Variants in SLC25A10 observed in about 807,000 individuals in gnomAD.
The protein encoded by SLC25A10 is solute carrier family 25 member 10.
In SLC25A10, 32 loss-of-function variants were observed where a neutral mutation model predicts 40.4. The ratio of observed to expected loss-of-function variants is 0.79; its 90% confidence interval spans 0.60 to 1.06. The LOEUF is 1.06. Among genes scored for constraint, SLC25A10 ranks in the 50% least tolerant of loss-of-function variants. SLC25A10 has a pLI of 0.00. For synonymous variants in SLC25A10, 181 were observed against 171.1 expected (o/e 1.06, Z -0.45); for missense variants, 394 against 402.6 (o/e 0.98, Z 0.18).
At chr17:81,713,852 G>T (rs1469253120) in intron 1 of SLC25A10, among the ~76,000 whole-genome samples, 3 of 152,238 alleles carry the variant, frequency 2.0e-5, no homozygotes, top group African/African-American at 7.2e-5. Flanking sequence ...GGGGAGGCGG[G>T]ACTGCCCTCT....
At chr17:81,719,582 C>T (rs2037550957) in intron 9 of SLC25A10, among the ~76,000 whole-genome samples, 1 of 152,354 alleles carries the variant, frequency 6.6e-6, no homozygotes. Context: ...GCCCACTGGA[C>T]CCCGGGCTGC....
At chr17:81,713,337 C>A in intron 1 of SLC25A10, 1 of 445,900 alleles carries the variant, frequency 2.2e-6, no homozygotes, top group South Asian at 9.6e-5. Context: ...AGGCTTTGCA[C>A]AGTCTGCCCA....
intron 1 of SLC25A10, chr17:81,713,247 C>T (rs1318901656): frequency 1.3e-5 from 2 of 152,904 alleles, no homozygotes; most frequent in African/African-American, 4.9e-5. Context: ...AGACAGAGCT[C>T]TCCTTGTTTC....
intron 1 of SLC25A10, among the ~76,000 whole-genome samples, chr17:81,712,735 C>T (rs973218571): frequency 4.3e-4 from 66 of 152,342 alleles, no homozygotes; most frequent in African/African-American, 1.5e-3. Flanking sequence ...AGCCGCGCTC[C>T]CCAGCTTCCC....
At chr17:81,717,266 CCT>C in intron 7 of SLC25A10, 131 bp from the exon 8 acceptor site, 1 of 1,048,584 alleles carries the variant, frequency 9.5e-7, no homozygotes, top group East Asian at 2.5e-5. Context: ...AGGTGCCTCC[CCT>C]GTCTGGGCCT....
At chr17:81,717,663 C>A in intron 8 of SLC25A10, 121 bp from the exon 9 acceptor site, 1 of 1,323,168 alleles carries the variant, frequency 7.6e-7, no homozygotes, top group Non-Finnish European at 1.1e-6. Flanking sequence ...CAGCCTGGTG[C>A]CCCCGCCAGC....
rs201109339 is a variant in SLC25A10, at chr17:81,717,050, G to A, written c.512G>A (p.Gly171Glu). The A allele has an allele frequency of 3.1e-6, 5 of 1,613,686 alleles. No individual in the cohort carries two copies. Among genetic ancestry groups the A allele is most frequent in the Non-Finnish European group, 4.2e-6 (5 of 1,180,004 alleles). Reference sequence around the variant, plus strand: ...GGTGCAACCATGGCATCCAGCCGAGGGGCCTTAGTCACTGTGGGCCAGGTA... The same window carrying A: ...GGTGCAACCATGGCATCCAGCCGAGAGGCCTTAGTCACTGTGGGCCAGGTA... ...FSGATMASSR[G>E]ALVTVGQLSC... Residue 171 changes from glycine (G) to glutamate (E), a missense_variant, in exon 7 of 11, where the codon GGG (glycine) becomes GAG (glutamate). Coordinates refer to ENST00000350690, the MANE Select transcript of SLC25A10 (RefSeq NM_012140.5).
At chr17:81,713,580 C>A in intron 1 of SLC25A10, 2 of 737,412 alleles carry the variant, frequency 2.7e-6, no homozygotes, top group Non-Finnish European at 3.3e-6. Flanking sequence ...GCTCCCAGGC[C>A]ACAGGCAGCC....
chr17:81,716,992 C>CCTT lies in SLC25A10; in HGVS notation c.464-9_464-7dup. On this transcript the variant is annotated splice_polypyrimidine_tract_variant and intron_variant, in intron 6 of 10. Coordinates refer to ENST00000350690, the MANE Select transcript of SLC25A10 (RefSeq NM_012140.5). ...TGCCTCACCCCTTGCCTCACCCCTT[C>CCTT]CTTGTGCAGAGGGTCTCAGGAGACT... 1 of 1,315,662 alleles carries CCTT rather than the reference C, an allele frequency of 7.6e-7. No individual in the cohort carries two copies. Among genetic ancestry groups the CCTT allele is most frequent in the Non-Finnish European group, 1.1e-6 (1 of 950,594 alleles). The allele number at this position is 1,315,662 out of a possible 1,614,324, so 81.5% of individuals were successfully genotyped here.
At chr17:81,717,147 C>T in intron 7 of SLC25A10, 75 bp downstream of exon 7, 1 of 1,523,378 alleles carries the variant, frequency 6.6e-7, no homozygotes, top group Non-Finnish European at 9.1e-7. Context: ...GGCCATAGAA[C>T]AAGGCACTGG....
Position 81,720,791 on chromosome 17 carries a change from G to T in SLC25A10, c.*714G>T. On this transcript the variant is annotated 3_prime_UTR_variant, in exon 11 of 11. Coordinates refer to ENST00000350690, the MANE Select transcript of SLC25A10 (RefSeq NM_012140.5). ...CACCAGCAGGCGGTCTCTGTCTTCA[G>T]GGATTGTGCCTGCGTCCCTCGGGCA... 6.7e-6 allele frequency: 2 copies of T among 298,274 alleles called. No homozygotes were observed. Among genetic ancestry groups the T allele is most frequent in the Non-Finnish European group, 1.2e-5 (2 of 161,750 alleles). 18.5% of individuals were successfully genotyped at this position (298,274 alleles called of 1,614,324 possible).
At position 81,717,514 on chromosome 17, in the gene SLC25A10, G is replaced by A. The variant is rs1404482303; in HGVS notation, c.627+23G>A. The A allele has an allele frequency of 4.3e-6, 7 of 1,612,610 alleles. No homozygotes were observed. The East Asian group carries it at 1.6e-4, about 36-fold the overall frequency. ...GCAGTAAGTGGCCGGCATGGCTAGGGTGGGCGTCCCTGGGCCGGCCTTGGG... is the reference window on the plus strand; with the variant it reads ...GCAGTAAGTGGCCGGCATGGCTAGGATGGGCGTCCCTGGGCCGGCCTTGGG... On this transcript the variant is annotated intron_variant, in intron 8 of 10. Transcript: ENST00000350690.
chr17:81,716,353 C>T (rs867942684), intron 5 of SLC25A10, among the ~76,000 whole-genome samples: 2 of 152,176 alleles, frequency 1.3e-5, no homozygotes, highest in Admixed American at 6.5e-5. Flanking sequence ...CAGAAACGCC[C>T]GAAGGAGGCG....
chr17:81,720,404 A>G lies in SLC25A10; in HGVS notation c.*327A>G, dbSNP rs1034718332. 1.4e-6 allele frequency: 2 copies of G among 1,390,458 alleles called. No homozygotes were observed. Among genetic ancestry groups the G allele is most frequent in the South Asian group, 1.8e-5 (1 of 56,724 alleles). The allele number at this position is 1,390,458 out of a possible 1,614,324, so 86.1% of individuals were successfully genotyped here. A position where few individuals can be genotyped will look rare whatever the true frequency, so the allele number is the denominator to read the frequency against. On this transcript the variant is annotated 3_prime_UTR_variant, in exon 11 of 11. Coordinates refer to ENST00000350690, the MANE Select transcript of SLC25A10 (RefSeq NM_012140.5). ...CCCTCTCCTGGGCCAGGGGAGGGGT[A>G]TTATCCCTGCCTCCTGCCCCCGATG... is the stretch of plus-strand genomic sequence containing the variant.
chr17:81,715,911 C>A, intron 4 of SLC25A10, 98 bp from the exon 5 acceptor site: 1 of 1,450,384 alleles, frequency 6.9e-7, no homozygotes, highest in Non-Finnish European at 9.5e-7. Flanking sequence ...GTGCCCTGTC[C>A]TGTGGGCCCC....
intron 9 of SLC25A10, among the ~76,000 whole-genome samples, chr17:81,718,966 A>G (rs1164988259): frequency 6.6e-6 from 1 of 151,768 alleles, no homozygotes; most frequent in African/African-American, 2.4e-5. Flanking sequence ...CAAAAAACAA[A>G]AAAAAACACA....
At position 81,720,097 on chromosome 17, in the gene SLC25A10, G is replaced by C. The variant is rs1014907881; in HGVS notation, c.*20G>C. ...TCCTGACCAGCCGTGGGAATGGCTG[G>C]GCTGCCAGGCCAGACACGCTAGGTT... On this transcript the variant is annotated 3_prime_UTR_variant, in exon 11 of 11. Transcript: ENST00000350690. 5 of 1,611,842 alleles carry C rather than the reference G, an allele frequency of 3.1e-6. No homozygotes were observed. Among genetic ancestry groups the C allele is most frequent in the Non-Finnish European group, 4.2e-6 (5 of 1,179,976 alleles).
At position 81,720,154 on chromosome 17, in the gene SLC25A10, C is replaced by T; in HGVS notation, c.*77C>T. On this transcript the variant is annotated 3_prime_UTR_variant, in exon 11 of 11. Coordinates refer to ENST00000350690, the MANE Select transcript of SLC25A10 (RefSeq NM_012140.5). ...AAGAGTCCCAAGCCCAGCACCTGCTCCTGGGGCCACGACCTCCCTGGCCGT... is the reference window on the plus strand; with the variant it reads ...AAGAGTCCCAAGCCCAGCACCTGCTTCTGGGGCCACGACCTCCCTGGCCGT... The T allele has an allele frequency of 1.3e-6, 2 of 1,581,996 alleles. No homozygotes were observed. Among genetic ancestry groups the T allele is most frequent in the Non-Finnish European group, 1.7e-6 (2 of 1,169,698 alleles).
rs772052515 is a variant in SLC25A10, at chr17:81,719,894, T to TGGTGGCGGC, written c.762+8_762+16dup. 11 of 1,613,836 alleles carry TGGTGGCGGC rather than the reference T, an allele frequency of 6.8e-6. No homozygotes were observed. In the South Asian group the frequency reaches 1.1e-4, roughly 16 times the overall value. On this transcript the variant is annotated splice_region_variant and intron_variant, in intron 10 of 10. Coordinates refer to ENST00000350690, the MANE Select transcript of SLC25A10 (RefSeq NM_012140.5). ...GCCTCTGGCCTTTTACAAGGTGCAG[T>TGGTGGCGGC]GGTGGCGGCAGTGGCGGCTTGGGCA...
Sources: allele counts gnomAD v4.1 joint callset (sites outside exome capture counted in the v4.1 genomes callset), GRCh38; gene constraint gnomAD v4.1.1; transcripts MANE v1.5; gene names NCBI Gene and HGNC (gene_info 2026-07-23, HGNC 2026-07-21).